The following GREB1 variants were observed in gnomAD, a reference collection of about 807,000 sequenced individuals.
The protein encoded by GREB1 is protein GREB1.
GREB1 carries 106 observed loss-of-function variants against 200.7 expected under a neutral mutation model. That is an observed-to-expected ratio of 0.53 (90% CI 0.45 to 0.62). The LOEUF (loss-of-function observed/expected upper bound fraction) is 0.62, where lower values mean the gene tolerates loss of function less well. GREB1 is among the 20% of genes least tolerant of loss of function. GREB1 has a pLI of 0.00. For synonymous variants in GREB1, 1,132 were observed against 1,092.4 expected, an observed-to-expected ratio of 1.04 and a Z score of -0.72; for missense variants, 2,243 against 2,556.8, an observed-to-expected ratio of 0.88 and a Z score of 2.65.
intron 4 of GREB1, among the ~76,000 whole-genome samples, chr2:11,570,418 G>C (rs1201331456): frequency 7.2e-6 from 1 of 138,594 alleles, no homozygotes; most frequent in Admixed American, 7.0e-5. Flanking sequence ...AAAAAAAAAA[G>C]ATAACGGCTT....
chr2:11,595,519 T>C (rs1681131630), intron 12 of GREB1, 140 bp downstream of exon 12: 1 of 762,758 alleles, frequency 1.3e-6, no homozygotes, highest in East Asian at 2.8e-5. Context: ...TTCTGTGCAC[T>C]TGCACTTCTG....
chr2:11,634,400 G>T (rs1368029608), intron 29 of GREB1, 51 bp downstream of exon 29: 2 of 1,458,174 alleles, frequency 1.4e-6, no homozygotes, highest in East Asian at 4.8e-5. Context: ...GGGGCGCAGA[G>T]TCCTGAGTGA....
At position 11,642,086 on chromosome 2, in the gene GREB1, TAAAG is replaced by T. The variant is rs949447854; in HGVS notation, c.*1634_*1637del. On this transcript the variant is annotated 3_prime_UTR_variant, in exon 33 of 33. Transcript: ENST00000381486. ...TGGCCCATAACTTGAAGGAAAAGTT[TAAAG>T]ACAGTTCAATTTAATCATCAGAATG... 2.8e-4 allele frequency: 42 copies of T among 152,254 alleles called. No homozygotes were observed. Among genetic ancestry groups the T allele is most frequent in the African/African-American group, 9.4e-4 (39 of 41,560 alleles). 9.4% of individuals were successfully genotyped at this position (152,254 alleles called of 1,614,324 possible). A position where few individuals can be genotyped will look rare whatever the true frequency, so the allele number is the denominator to read the frequency against.
chr2:11,484,837 AG>A (rs576558398), intron 1 of GREB1, among the ~76,000 whole-genome samples: 49 of 152,226 alleles, frequency 3.2e-4, no homozygotes, highest in Admixed American at 2.9e-3. Context: ...TGGTTTAAAT[AG>A]TTTTTTTTGT....
chr2:11,539,017 C>CCTTCTCTTCTCTTCTCTTCT (rs753570964), intron 1 of GREB1, among the ~76,000 whole-genome samples: 147 of 80,558 alleles, frequency 1.8e-3, no homozygotes, highest in African/African-American at 5.7e-3. Flanking sequence ...CCTTCTCCTC[C>CCTTCTCTTCTCTTCTCTTCT]CTTCTCTTCT....
chr2:11,586,869 C>T (rs1448252472), intron 9 of GREB1, among the ~76,000 whole-genome samples: 2 of 152,190 alleles, frequency 1.3e-5, no homozygotes, highest in Admixed American at 1.3e-4. Flanking sequence ...GCCCCACTGT[C>T]TACCTCAAAT....
intron 1 of GREB1, among the ~76,000 whole-genome samples, chr2:11,507,312 G>A (rs1673207834): frequency 1.3e-5 from 2 of 151,884 alleles, no homozygotes; most frequent in African/African-American, 4.8e-5. Context: ...GGGAGGCTGA[G>A]GCAGGAGAAT....
At position 11,559,355 on chromosome 2, in the gene GREB1, C is replaced by G. The variant is rs191448066; in HGVS notation, c.157+2584C>G. ...TTGCTGGCGGATCTTCCCATCACAG[C>G]CCCTGGAATATCTGATGTAGACCTT... On this transcript the variant is annotated intron_variant, in intron 2 of 32. Transcript: ENST00000381486. Among the ~76,000 whole-genome samples the G allele has an allele frequency of 2.1e-3, 325 of 152,308 alleles. 7 individuals carry two copies. The highest frequency in any genetic ancestry group is 0.02 in the Admixed American group (309 of 15,298).
chr2:11,634,235 G>A lies in GREB1; in HGVS notation c.5096G>A (p.Trp1699Ter). 6.2e-7 allele frequency: 1 copy of A among 1,614,224 alleles called. No individual in the cohort carries two copies. The change falls in exon 29 of 33, where the codon TGG (tryptophan) becomes TAG (stop). Residue 1699 changes from tryptophan (W) to a stop codon, truncating the protein, a stop_gained. Transcript: ENST00000381486. LOFTEE classifies it high-confidence loss of function. ...MHYALLGLRK[W>*]SSKTRASEVQ... is the part of the protein sequence containing the mutation. The stretch of plus-strand genomic sequence containing the variant: ...TACGCCCTGCTGGGCCTGCGGAAGT[G>A]GTCCAGCAAGACCCGGGCCAGCGAG...
intron 11 of GREB1, among the ~76,000 whole-genome samples, chr2:11,594,993 C>CTTTTTTTTTTTTTTTT (rs371356681): frequency 7.0e-6 from 1 of 143,270 alleles, no homozygotes. Context: ...TGTGCCTGGC[C>CTTTTTTTTTTTTTTTT]TTTTTTTTTT....
intron 4 of GREB1, among the ~76,000 whole-genome samples, chr2:11,567,670 A>G (rs772127625): frequency 3.9e-5 from 6 of 152,142 alleles, no homozygotes; most frequent in Non-Finnish European, 5.9e-5. Context: ...CCGCTGGCCC[A>G]CTAAGGCTCT....
intron 25 of GREB1, 126 bp downstream of exon 25, chr2:11,627,230 C>T (rs1239777307): frequency 6.4e-6 from 5 of 781,606 alleles, no homozygotes; most frequent in Admixed American, 6.5e-5. Flanking sequence ...TCCTGGTCTG[C>T]TTGCATCCTC....
At chr2:11,638,987 G>C (rs564864439) in intron 32 of GREB1, among the ~76,000 whole-genome samples, 178 bp downstream of exon 32, 1 of 152,148 alleles carries the variant, frequency 6.6e-6, no homozygotes, top group Non-Finnish European at 1.5e-5. Context: ...TTTGATCCCC[G>C]GGGGCTCTCT....
intron 1 of GREB1, among the ~76,000 whole-genome samples, chr2:11,536,247 C>T (rs1258267999): frequency 5.3e-5 from 8 of 152,108 alleles, no homozygotes; most frequent in East Asian, 1.9e-4. Flanking sequence ...TGTGCAGAGT[C>T]GGAGGTGTGA....
intron 17 of GREB1, among the ~76,000 whole-genome samples, chr2:11,605,954 A>G (rs1682243984): frequency 6.6e-6 from 1 of 152,222 alleles, no homozygotes; most frequent in South Asian, 2.1e-4. Context: ...TTCCCTTTTC[A>G]TGGGTAAACA....
intron 15 of GREB1, among the ~76,000 whole-genome samples, chr2:11,599,775 C>T (rs552995039): frequency 6.6e-6 from 1 of 152,314 alleles, no homozygotes; most frequent in Admixed American, 6.5e-5. Flanking sequence ...CCGCCTCGGC[C>T]TCCCAAAGTG....
At chr2:11,503,083 G>T (rs1207102506) in intron 1 of GREB1, among the ~76,000 whole-genome samples, 1 of 152,188 alleles carries the variant, frequency 6.6e-6, no homozygotes, top group Non-Finnish European at 1.5e-5. Context: ...TGTTCTAGTT[G>T]TGTGGGGCTA....
At position 11,580,866 on chromosome 2, in the gene GREB1, C is replaced by G. The variant is rs1193477513; in HGVS notation, c.901+34C>G. On this transcript the variant is annotated intron_variant, in intron 7 of 32. Transcript: ENST00000381486. The surrounding 1 kb of genome is among the most constrained non-coding windows in gnomAD (Gnocchi z 4.5). ...GCCTGTCCTGGCCGTCCTGGGGATC[C>G]TGCTCTTCTTTGGGCCAAGGCCAGA... The G allele has an allele frequency of 6.2e-7, 1 of 1,613,920 alleles. No individual in the cohort carries two copies. The highest frequency in any genetic ancestry group is 8.5e-7 in the Non-Finnish European group (1 of 1,179,912).
chr2:11,564,904 C>G (rs573426850), intron 3 of GREB1, among the ~76,000 whole-genome samples: 1 of 152,316 alleles, frequency 6.6e-6, no homozygotes, highest in South Asian at 2.1e-4. Context: ...TGGCAGCAGA[C>G]AAGACAGGAG....
Sources: gnomAD v4.1 joint callset for allele counts (sites outside exome capture counted in the v4.1 genomes callset) on GRCh38, gnomAD v4.1.1 for gene constraint, Gnocchi (gnomAD v3.1) non-coding constraint, MANE v1.5 for transcripts, NCBI Gene and HGNC (gene_info 2026-07-23, HGNC 2026-07-21) for gene names.